GPR149: variants seen among roughly 807,000 people sequenced by gnomAD.
GPR149 encodes G protein-coupled receptor 149.
Under a neutral mutation model 50.2 loss-of-function variants are expected in GPR149, and 50 were observed. That is an observed-to-expected ratio of 1.00 (90% confidence interval 0.79 to 1.26). The LOEUF is 1.26. Ranked by LOEUF, GPR149 falls within the 50% of genes most tolerant of loss-of-function variation. GPR149 has a pLI of 0.00. For missense variants in GPR149, 983 were observed against 895.4 expected (o/e 1.10, Z -1.25); for synonymous variants, 405 against 358.2 (o/e 1.13, Z -1.48).
intron 3 of GPR149, among the ~76,000 whole-genome samples, chr3:154,401,221 T>G (rs983111027): frequency 5.3e-5 from 8 of 152,256 alleles, no homozygotes; most frequent in African/African-American, 1.9e-4. Flanking sequence ...GCTTTTTGTG[T>G]TGACACTTTT....
Position 154,353,795 on chromosome 3 carries a change from C to A in GPR149, c.1624-15524G>T, listed in dbSNP as rs1714147213. 7.1e-6 allele frequency: 5 copies of A among 705,028 alleles called. 1 individual carries two copies. The highest frequency in any genetic ancestry group is 1.3e-5 in the Non-Finnish European group (5 of 385,700). 43.7% of individuals were successfully genotyped at this position (705,028 alleles called of 1,614,324 possible). A position where few individuals can be genotyped will look rare whatever the true frequency, so the allele number is the denominator to read the frequency against. On this transcript the variant is annotated intron_variant, in intron 3 of 3. Transcript: ENST00000389740. ...AATGTCTTTCCTGTTCCTGTCCATG[C>A]TCGAGCTATTAAATCTTTTCTTTCA...
chr3:154,352,033 A>G (rs1022597820), intron 3 of GPR149: 17 of 374,342 alleles, frequency 4.5e-5, no homozygotes, highest in Admixed American at 1.8e-4. Context: ...CTGTGCAAAT[A>G]GCAGACACAT....
Position 154,428,643 on chromosome 3 carries a change from G to C in GPR149, c.973C>G (p.Pro325Ala), listed in dbSNP as rs765673776. 2 of 1,611,838 alleles carry C rather than the reference G, an allele frequency of 1.2e-6. No homozygotes were observed. The highest frequency in any genetic ancestry group is 1.7e-6 in the Non-Finnish European group (2 of 1,178,878). The part of the protein sequence containing the change: ...LALTKVVLWL[P>A]MMMHMVVQNV... ...AGCAACTGCACTTTTACCATCATGG[G>C]CAGCCAAAGGACGACTTTTGTAAGC... Residue 325 changes from proline (P) to alanine (A), a missense_variant, in exon 1 of 4, where the codon CCC becomes GCC. Physicochemically the swap from Pro to Ala is conservative, Grantham distance 27. Transcript: ENST00000389740.
chr3:154,408,492 G>A (rs1711753907), intron 3 of GPR149, among the ~76,000 whole-genome samples: 1 of 152,198 alleles, frequency 6.6e-6, no homozygotes, highest in South Asian at 2.1e-4. Context: ...GGCACAGTGG[G>A]AGTGAGATGG....
chr3:154,422,782 T>C (rs913625383), intron 2 of GPR149, among the ~76,000 whole-genome samples: 25 of 151,864 alleles, frequency 1.6e-4, no homozygotes, highest in Admixed American at 6.6e-4. Flanking sequence ...CTGTCTCATT[T>C]ATATTTTTAC....
At chr3:154,345,979 C>G (rs549816615) in intron 3 of GPR149, among the ~76,000 whole-genome samples, 4 of 152,148 alleles carry the variant, frequency 2.6e-5, no homozygotes, top group Non-Finnish European at 5.9e-5. Context: ...GTTAAGTGCT[C>G]TTTCTATTAT....
At chr3:154,350,217 A>C (rs2108388456) in intron 3 of GPR149, among the ~76,000 whole-genome samples, 1 of 152,260 alleles carries the variant, frequency 6.6e-6, no homozygotes, top group East Asian at 1.9e-4. Context: ...AGAAAAGAAA[A>C]GGAAACAAAA....
intron 3 of GPR149, among the ~76,000 whole-genome samples, chr3:154,419,513 T>C (rs1453443291): frequency 1.3e-5 from 2 of 152,080 alleles, no homozygotes; most frequent in Admixed American, 6.6e-5. Flanking sequence ...TATAGCATGA[T>C]ACCATCTTTA....
At chr3:154,381,342 T>C (rs1459854009) in intron 3 of GPR149, among the ~76,000 whole-genome samples, 1 of 152,112 alleles carries the variant, frequency 6.6e-6, no homozygotes, top group Non-Finnish European at 1.5e-5. Context: ...AGAACTGATG[T>C]GTTCTCGTTG....
At chr3:154,374,155 T>TTTC (rs777564758) in intron 3 of GPR149, among the ~76,000 whole-genome samples, 1,420 of 10,938 alleles carry the variant, frequency 0.13, 31 homozygotes, top group African/African-American at 0.34. Context: ...TCTTTCTTTC[T>TTTC]TTTCTTTTCT....
intron 3 of GPR149, among the ~76,000 whole-genome samples, chr3:154,370,460 CACTTTAAGAAAAATT>C (rs1486854605): frequency 6.6e-6 from 1 of 152,136 alleles, no homozygotes; most frequent in African/African-American, 2.4e-5. Context: ...TTTGCAAGGA[CACTTTAAGAAAAATT>C]GTCCAACAAA....
At chr3:154,392,454 T>G (rs1715193043) in intron 3 of GPR149, among the ~76,000 whole-genome samples, 2 of 151,668 alleles carry the variant, frequency 1.3e-5, no homozygotes, top group Non-Finnish European at 3.0e-5. Context: ...AAGAGAGAAG[T>G]TTATAGCAGT....
chr3:154,396,305 A>T (rs1159205025), intron 3 of GPR149, among the ~76,000 whole-genome samples: 1 of 152,152 alleles, frequency 6.6e-6, no homozygotes, highest in Non-Finnish European at 1.5e-5. Context: ...AGAAATTTTC[A>T]TTTTTGTTTA....
chr3:154,417,222 G>T (rs79457422), intron 3 of GPR149, among the ~76,000 whole-genome samples: 1 of 151,880 alleles, frequency 6.6e-6, no homozygotes, highest in Non-Finnish European at 1.5e-5. Flanking sequence ...CTTTCAAAAT[G>T]GTAAACTGCT....
intron 3 of GPR149, among the ~76,000 whole-genome samples, chr3:154,393,147 A>T (rs1291909922): frequency 1.3e-5 from 2 of 152,054 alleles, no homozygotes; most frequent in African/African-American, 4.8e-5. Context: ...ACTACAGGCC[A>T]ATATCCTTGA....
At chr3:154,402,870 A>G (rs1473488535) in intron 3 of GPR149, among the ~76,000 whole-genome samples, 1 of 152,230 alleles carries the variant, frequency 6.6e-6, no homozygotes, top group Non-Finnish European at 1.5e-5. Context: ...TATTTACTGA[A>G]TAAACTAATG....
intron 3 of GPR149, among the ~76,000 whole-genome samples, chr3:154,344,880 T>C (rs1299938490): frequency 6.6e-6 from 1 of 152,244 alleles, no homozygotes; most frequent in Non-Finnish European, 1.5e-5. Flanking sequence ...TAATTTGTGA[T>C]AGTTTGTTAC....
At position 154,429,508 on chromosome 3, in the gene GPR149, A is replaced by G. The variant is rs766335709; in HGVS notation, c.108T>C (p.Leu36=). ...AAGTCATGAGACATGTCAAGCAAAA[A>G]AGATAGATATTCAGGGTTCCTGGCG... ...LNPPGTLNIY[L]FCLTCLMTFA... The change falls in exon 1 of 4, where the codon CTT becomes CTC. Residue 36 remains leucine (L), a synonymous_variant. Coordinates refer to ENST00000389740, the MANE Select transcript of GPR149 (RefSeq NM_001038705.3). 5 of 1,614,090 alleles carry G rather than the reference A, an allele frequency of 3.1e-6. No individual in the cohort carries two copies. Among genetic ancestry groups the G allele is most frequent in the Non-Finnish European group, 4.2e-6 (5 of 1,180,052 alleles).
chr3:154,421,930 C>A (rs115807906), intron 2 of GPR149, among the ~76,000 whole-genome samples: 1,800 of 151,600 alleles, frequency 0.012, 25 homozygotes, highest in African/African-American at 0.041. Flanking sequence ...GTGAGTTATT[C>A]AGCTAAGAAT....
Sources: allele counts gnomAD v4.1 joint callset (sites outside exome capture counted in the v4.1 genomes callset), GRCh38; gene constraint gnomAD v4.1.1; transcripts MANE v1.5; gene names NCBI Gene and HGNC (gene_info 2026-07-23, HGNC 2026-07-21).